The following CHRDL1 variants were observed in gnomAD, a reference collection of about 807,000 sequenced individuals.
CHRDL1 encodes chordin like 1.
CHRDL1 carries 19 observed loss-of-function variants against 40.9 expected under a neutral mutation model. The observed-to-expected ratio is 0.46, with a 90% CI of 0.32 to 0.68. The LOEUF is 0.68. Among genes scored for constraint, CHRDL1 ranks in the 30% least tolerant of loss-of-function variants. CHRDL1 has a pLI of 0.03. For missense variants in CHRDL1, 329 were observed against 352.1 expected (o/e 0.93, Z 0.53); for synonymous variants, 136 against 123.4 (o/e 1.10, Z -0.68).
chrX:110,728,565 C>T (rs1029726762), intron 4 of CHRDL1, among the ~76,000 whole-genome samples: 1 of 111,556 alleles, frequency 9.0e-6, no homozygotes, highest in African/African-American at 3.3e-5. Flanking sequence ...TTCTCTCCAC[C>T]GACATCATTG....
chrX:110,782,258 C>G (rs2148531798), intron 2 of CHRDL1, among the ~76,000 whole-genome samples: 1 of 112,276 alleles, frequency 8.9e-6, no homozygotes, highest in South Asian at 3.7e-4. Context: ...AACAACCCTA[C>G]AAGGTAGGTC....
chrX:110,689,404 A>ATC (rs2070110130), intron 8 of CHRDL1, among the ~76,000 whole-genome samples: 2 of 38,210 alleles, frequency 5.2e-5, no homozygotes, highest in Admixed American at 2.2e-4. Flanking sequence ...GCCTATATAT[A>ATC]TCTATATATC....
chrX:110,703,279 C>G (rs73528210), intron 6 of CHRDL1, among the ~76,000 whole-genome samples: 12,049 of 111,059 alleles, frequency 0.11, 1,578 homozygotes, highest in African/African-American at 0.38. Flanking sequence ...CATATTGCTG[C>G]GTACACATCA....
intron 4 of CHRDL1, among the ~76,000 whole-genome samples, chrX:110,746,288 A>T (rs2089251196): frequency 9.0e-6 from 1 of 111,082 alleles, no homozygotes; most frequent in East Asian, 2.8e-4. Context: ...GAAGGTAGGA[A>T]CCAAACAGGA....
At chrX:110,768,151 G>GTA (rs1285734230) in intron 2 of CHRDL1, among the ~76,000 whole-genome samples, 1 of 112,180 alleles carries the variant, frequency 8.9e-6, no homozygotes, top group Admixed American at 9.4e-5. Context: ...GCTGTTGGTG[G>GTA]TATAGGAATG....
intron 4 of CHRDL1, among the ~76,000 whole-genome samples, chrX:110,741,729 A>C (rs763688202): frequency 1.3e-4 from 14 of 111,817 alleles, no homozygotes; most frequent in Non-Finnish European, 2.4e-4. Context: ...TGATGACTAC[A>C]CTTGGGCTTA....
chrX:110,750,621 G>A (rs1395474951), intron 4 of CHRDL1, among the ~76,000 whole-genome samples: 1 of 112,223 alleles, frequency 8.9e-6, no homozygotes, highest in South Asian at 3.7e-4. Context: ...TTGTTTATCA[G>A]CAGAAATTCC....
At chrX:110,719,122 A>C (rs1174691091) in intron 6 of CHRDL1, among the ~76,000 whole-genome samples, 1 of 111,475 alleles carries the variant, frequency 9.0e-6, no homozygotes, top group African/African-American at 3.3e-5. Flanking sequence ...TAGAAGGAAA[A>C]AGGACAAAAT....
chrX:110,736,608 G>C (rs776923994), intron 4 of CHRDL1, among the ~76,000 whole-genome samples: 19 of 111,581 alleles, frequency 1.7e-4, no homozygotes, highest in Admixed American at 7.6e-4. Flanking sequence ...CTCAAAAGAG[G>C]AACAAGGAGA....
At chrX:110,703,701 G>T (rs1050132908) in intron 6 of CHRDL1, among the ~76,000 whole-genome samples, 1 of 111,987 alleles carries the variant, frequency 8.9e-6, no homozygotes, top group Non-Finnish European at 1.9e-5. Context: ...ACACTGAATG[G>T]GATGAGTGAG....
Position 110,697,814 on chromosome X carries a change from CCACACACACACACACACACACA to C in CHRDL1, c.609+2818_609+2839del, listed in dbSNP as rs60454872. 4.8e-3 allele frequency among the ~76,000 whole-genome samples: 263 copies of C among 55,128 alleles called. 6 individuals carry two copies. The highest frequency in any genetic ancestry group is 0.012 in the African/African-American group (212 of 17,987). 47.9% of individuals were successfully genotyped at this position (55,128 alleles called of 115,157 possible). A position where few individuals can be genotyped will look rare whatever the true frequency, so the allele number is the denominator to read the frequency against. On this transcript the variant is annotated intron_variant, in intron 7 of 11. Coordinates refer to ENST00000372042, the MANE Select transcript of CHRDL1 (RefSeq NM_001143981.2). ...CTTCCTCCCCACATACCACACCACT[CCACACACACACACACACACACA>C]CACACACACACACACACACACACAC...
chrX:110,775,963 A>G (rs1018378073), intron 2 of CHRDL1, among the ~76,000 whole-genome samples: 3 of 111,481 alleles, frequency 2.7e-5, no homozygotes, highest in Non-Finnish European at 5.7e-5. Flanking sequence ...TTTTACTTTT[A>G]GATAACACTA....
At chrX:110,736,574 C>T (rs1195147563) in intron 4 of CHRDL1, among the ~76,000 whole-genome samples, 1 of 111,475 alleles carries the variant, frequency 9.0e-6, no homozygotes, top group Non-Finnish European at 1.9e-5. Flanking sequence ...ATATGAGATT[C>T]AGTCATTGCT....
At chrX:110,684,230 T>C (rs2069959425) in intron 9 of CHRDL1, among the ~76,000 whole-genome samples, 1 of 112,449 alleles carries the variant, frequency 8.9e-6, no homozygotes, top group African/African-American at 3.2e-5. Flanking sequence ...TGGTCCTAGT[T>C]TGTTATTGTA....
In CHRDL1 at chrX:110,673,983, T is replaced by C. The variant is rs1169756052; in HGVS notation, c.*2248A>G. On this transcript the variant is annotated 3_prime_UTR_variant, in exon 12 of 12. Coordinates refer to ENST00000372042, the MANE Select transcript of CHRDL1 (RefSeq NM_001143981.2). Reference sequence around the variant, plus strand: ...AAGGGTAATACTGTTATGTTACTCTTACTTGTTTACATGAGTTAACTAGAA... The same window carrying C: ...AAGGGTAATACTGTTATGTTACTCTCACTTGTTTACATGAGTTAACTAGAA... 2 of 112,605 alleles carry C rather than the reference T, an allele frequency of 1.8e-5. No individual in the cohort carries two copies. The highest frequency in any genetic ancestry group is 3.2e-5 in the African/African-American group (1 of 31,008). The allele number at this position is 112,605 out of a possible 1,213,427, so 9.3% of individuals were successfully genotyped here. A position where few individuals can be genotyped will look rare whatever the true frequency, so the allele number is the denominator to read the frequency against.
At chrX:110,725,223 T>C (rs2071033653) in intron 4 of CHRDL1, among the ~76,000 whole-genome samples, 1 of 111,984 alleles carries the variant, frequency 8.9e-6, no homozygotes, top group African/African-American at 3.3e-5. Flanking sequence ...GATGATCTCA[T>C]ATGTAAGCAG....
At chrX:110,678,512 G>A (rs1267213739) in intron 11 of CHRDL1, among the ~76,000 whole-genome samples, 1 of 110,362 alleles carries the variant, frequency 9.1e-6, no homozygotes, top group Non-Finnish European at 1.9e-5. Context: ...TCTTTTCCTG[G>A]ACTGATTTCC....
chrX:110,685,886 A>ATTT (rs72389100), intron 9 of CHRDL1, among the ~76,000 whole-genome samples: 13 of 82,781 alleles, frequency 1.6e-4, no homozygotes, highest in East Asian at 3.6e-4. Context: ...TTTTTAGCCA[A>ATTT]TTTTTTTTTT....
chrX:110,748,688 C>T (rs1603219497), intron 4 of CHRDL1, among the ~76,000 whole-genome samples: 1 of 112,323 alleles, frequency 8.9e-6, no homozygotes, highest in African/African-American at 3.2e-5. Context: ...CACACTACAT[C>T]CTGGATGAAC....
Sources: allele counts gnomAD v4.1 joint callset (sites outside exome capture counted in the v4.1 genomes callset), GRCh38; gene constraint gnomAD v4.1.1; transcripts MANE v1.5; gene names NCBI Gene and HGNC (gene_info 2026-07-23, HGNC 2026-07-21).